MDGA2: variants seen among roughly 807,000 people sequenced by gnomAD.
MDGA2 encodes MAM domain containing glycosylphosphatidylinositol anchor 2.
MDGA2 carries 40 observed loss-of-function variants against 117.8 expected under a neutral mutation model. That is an observed-to-expected ratio of 0.34 (90% CI 0.26 to 0.44). The LOEUF is 0.44. Among genes scored for constraint, MDGA2 ranks in the 20% least tolerant of loss-of-function variants. The pLI, the probability that MDGA2 is intolerant of heterozygous loss-of-function variation, is 1.00. For missense variants in MDGA2, 1,123 were observed against 1,250.6 expected (o/e 0.90, Z 1.54); for synonymous variants, 452 against 439.0 (o/e 1.03, Z -0.37).
At chr14:46,895,189 A>G (rs1191903520) in intron 10 of MDGA2, among the ~76,000 whole-genome samples, 1 of 152,084 alleles carries the variant, frequency 6.6e-6, no homozygotes, top group African/African-American at 2.4e-5. Context: ...TGTGGGAGGA[A>G]CCCAGTGGGA....
At chr14:46,938,566 A>G (rs1595057040) in intron 9 of MDGA2, among the ~76,000 whole-genome samples, 1 of 149,970 alleles carries the variant, frequency 6.7e-6, no homozygotes, top group South Asian at 2.1e-4. Flanking sequence ...AAAAAGAGAC[A>G]TCATCTGACC....
intron 3 of MDGA2, among the ~76,000 whole-genome samples, chr14:47,175,926 T>G (rs1011844676): frequency 6.6e-6 from 1 of 152,106 alleles, no homozygotes; most frequent in African/African-American, 2.4e-5. Flanking sequence ...AAAATCTCCT[T>G]AAGCTGATAA....
chr14:47,261,460 T>C (rs1887793368), intron 2 of MDGA2, among the ~76,000 whole-genome samples: 1 of 152,130 alleles, frequency 6.6e-6, no homozygotes, highest in Non-Finnish European at 1.5e-5. Flanking sequence ...TAAGCTGCTG[T>C]TTGAAAGATT....
At chr14:47,592,612 C>T (rs934447226) in intron 1 of MDGA2, among the ~76,000 whole-genome samples, 1 of 152,020 alleles carries the variant, frequency 6.6e-6, no homozygotes, top group Non-Finnish European at 1.5e-5. Context: ...CTTCGACAAA[C>T]CTGACAAAAA....
chr14:47,381,963 A>C (rs1325766590), intron 1 of MDGA2, among the ~76,000 whole-genome samples: 1 of 152,184 alleles, frequency 6.6e-6, no homozygotes, highest in Non-Finnish European at 1.5e-5. Flanking sequence ...TTCAAACTAT[A>C]CTACAAGGCT....
intron 8 of MDGA2, among the ~76,000 whole-genome samples, chr14:46,994,511 A>G (rs1208931616): frequency 1.6e-4 from 5 of 31,896 alleles, no homozygotes; most frequent in African/African-American, 1.7e-4. Flanking sequence ...ATGCACACAT[A>G]CAAACACACA....
Position 47,100,620 on chromosome 14 carries a change from T to G in MDGA2, c.926-3497A>C, listed in dbSNP as rs557001231. ...ATTCTCATTGATAAGCAATAAAAAA[T>G]CAAACATGAAAACTGAAATGGGATA... On this transcript the variant is annotated intron_variant, in intron 5 of 16. Transcript: ENST00000399232. Among the ~76,000 whole-genome samples the G allele has an allele frequency of 6.6e-5, 10 of 151,754 alleles. No individual in the cohort carries two copies. The South Asian group carries it at 1.7e-3, about 25-fold the overall frequency.
At chr14:47,018,007 A>G (rs964622025) in intron 8 of MDGA2, among the ~76,000 whole-genome samples, 2 of 152,102 alleles carry the variant, frequency 1.3e-5, no homozygotes, top group Non-Finnish European at 2.9e-5. Flanking sequence ...AGTCCTTCCT[A>G]CAGACACAAG....
At chr14:47,429,027 C>A (rs1178500192) in intron 1 of MDGA2, among the ~76,000 whole-genome samples, 1 of 152,000 alleles carries the variant, frequency 6.6e-6, no homozygotes, top group Non-Finnish European at 1.5e-5. Flanking sequence ...AAGTTCGAGA[C>A]AAGCCTGGCC....
At chr14:47,092,773 G>T (rs187381366) in intron 6 of MDGA2, among the ~76,000 whole-genome samples, 28 of 152,202 alleles carry the variant, frequency 1.8e-4, no homozygotes, top group African/African-American at 6.7e-4. Context: ...CACAGGGAAG[G>T]GACATGACCA....
intron 3 of MDGA2, among the ~76,000 whole-genome samples, chr14:47,209,089 C>T (rs1885790727): frequency 4.6e-5 from 7 of 151,902 alleles, no homozygotes; most frequent in Admixed American, 4.6e-4. Flanking sequence ...AGTGAGAGGG[C>T]TAATGAATGT....
chr14:47,218,261 T>C, intron 2 of MDGA2, 66 bp from the exon 3 acceptor site: 1 of 1,356,344 alleles, frequency 7.4e-7, no homozygotes, highest in African/African-American at 1.5e-5. Flanking sequence ...CAAATAGCAA[T>C]CACTCATTTG....
intron 1 of MDGA2, among the ~76,000 whole-genome samples, chr14:47,348,103 T>C (rs1257745072): frequency 6.6e-6 from 1 of 151,862 alleles, no homozygotes; most frequent in Non-Finnish European, 1.5e-5. Flanking sequence ...GCTGGAGGAA[T>C]ACTTAGAATT....
chr14:47,106,659 A>T (rs914367825), intron 5 of MDGA2, among the ~76,000 whole-genome samples: 4 of 152,040 alleles, frequency 2.6e-5, no homozygotes, highest in African/African-American at 9.7e-5. Context: ...CTGAAGACTG[A>T]CACTGCCCGA....
rs780327585 is a variant in MDGA2 at position 47,061,240 on chromosome 14, G to A, written c.1525+9C>T. 2 of 1,595,386 alleles carry A rather than the reference G, an allele frequency of 1.3e-6. No homozygotes were observed. Among genetic ancestry groups the A allele is most frequent in the South Asian group, 1.1e-5 (1 of 90,168 alleles). On this transcript the variant is annotated intron_variant, in intron 7 of 16. Coordinates refer to ENST00000399232, the MANE Select transcript of MDGA2 (RefSeq NM_001113498.3). ...AACATCTTTTACATCATAAATATAT[G>A]CCTCTTACCTGTGCTGCTGGATATA...
chr14:47,337,370 C>T (rs1056030412), intron 1 of MDGA2, among the ~76,000 whole-genome samples: 6 of 151,990 alleles, frequency 3.9e-5, no homozygotes, highest in African/African-American at 1.2e-4. Flanking sequence ...AAAGTGGGCA[C>T]CAACTTGCCT....
At chr14:47,495,026 ATAGAT>A (rs1384970945) in intron 1 of MDGA2, among the ~76,000 whole-genome samples, 1 of 151,928 alleles carries the variant, frequency 6.6e-6, no homozygotes, top group East Asian at 1.9e-4. Context: ...ACATTAGGTA[ATAGAT>A]TAGATATTTG....
chr14:47,396,256 C>T (rs183744596), intron 1 of MDGA2, among the ~76,000 whole-genome samples: 20 of 152,130 alleles, frequency 1.3e-4, no homozygotes, highest in Admixed American at 9.8e-4. Flanking sequence ...CTTCTAGACT[C>T]CTATATGTAT....
At chr14:47,225,815 T>C (rs1886472741) in intron 2 of MDGA2, among the ~76,000 whole-genome samples, 1 of 137,818 alleles carries the variant, frequency 7.3e-6, no homozygotes. Context: ...AGTGTAATAA[T>C]AATAAATAAA....
Sources: allele counts gnomAD v4.1 joint callset (sites outside exome capture counted in the v4.1 genomes callset), GRCh38; gene constraint gnomAD v4.1.1; transcripts MANE v1.5; gene names NCBI Gene and HGNC (gene_info 2026-07-23, HGNC 2026-07-21).